Variants in ATP2A2 observed in about 807,000 individuals in gnomAD.
ATP2A2 encodes sarcoplasmic/endoplasmic reticulum calcium ATPase 2.
ATP2A2 carries 14 observed loss-of-function variants against 109.3 expected under a neutral mutation model. The ratio of observed to expected loss-of-function variants is 0.13; its 90% confidence interval spans 0.08 to 0.20. The LOEUF (loss-of-function observed/expected upper bound fraction) is 0.20. Ranked by LOEUF, ATP2A2 falls within the 10% of genes least tolerant of loss-of-function variation. The pLI, the probability that ATP2A2 is intolerant of heterozygous loss-of-function variation, is 1.00. For synonymous variants in ATP2A2, 506 were observed against 490.9 expected, an observed-to-expected ratio of 1.03 and a Z score of -0.41; for missense variants, 657 against 1,321.6, an observed-to-expected ratio of 0.50 and a Z score of 7.80.
intron 5 of ATP2A2, among the ~76,000 whole-genome samples, chr12:110,308,039 A>G (rs1407460929): frequency 6.6e-6 from 1 of 151,978 alleles, no homozygotes; most frequent in Admixed American, 6.6e-5. Flanking sequence ...TCATTTTCAG[A>G]TTGTTCTTTG....
chr12:110,345,688 A>G (rs1566242829), intron 18 of ATP2A2: 3 of 568,354 alleles, frequency 5.3e-6, no homozygotes, highest in South Asian at 4.0e-5. Flanking sequence ...CACACAGACA[A>G]ATGGTACCAT....
rs950424040 is a variant in ATP2A2, at chr12:110,347,568, A to G, written c.*1098A>G. The G allele has an allele frequency of 7.2e-6, 9 of 1,250,796 alleles. No homozygotes were observed. The Admixed American group carries it at 7.7e-5, about 11-fold the overall frequency. 77.5% of individuals were successfully genotyped at this position (1,250,796 alleles called of 1,614,324 possible). A position where few individuals can be genotyped will look rare whatever the true frequency, so the allele number is the denominator to read the frequency against. Reference sequence around the variant, plus strand: ...ATAGAGAACATAAGGGCAAGTGTGTATGTGTGTGTATGTGTGTGTTTTGTA... The same window carrying G: ...ATAGAGAACATAAGGGCAAGTGTGTGTGTGTGTGTATGTGTGTGTTTTGTA... On this transcript the variant is annotated 3_prime_UTR_variant, in exon 20 of 20. Coordinates refer to ENST00000539276, the MANE Select transcript of ATP2A2 (RefSeq NM_170665.4).
Position 110,310,759 on chromosome 12 carries a change from C to T in ATP2A2, c.464-12233C>T, listed in dbSNP as rs76804988. 3.1e-4 allele frequency among the ~76,000 whole-genome samples: 47 copies of T among 152,246 alleles called. No homozygotes were observed. The East Asian group carries it at 8.9e-3, about 29-fold the overall frequency. On this transcript the variant is annotated intron_variant, in intron 5 of 19. Transcript: ENST00000539276. Reference sequence around the variant, plus strand: ...AGGGTGCCAGCAATTTCAAGATTTACTCGGGAATAAAAAGAATAATTCTTA... The same window carrying T: ...AGGGTGCCAGCAATTTCAAGATTTATTCGGGAATAAAAAGAATAATTCTTA...
At position 110,281,588 on chromosome 12, in the gene ATP2A2, G is replaced by C. The variant is rs1032059841; in HGVS notation, c.-202G>C. On this transcript the variant is annotated 5_prime_UTR_variant, in exon 1 of 20. Coordinates refer to ENST00000539276, the MANE Select transcript of ATP2A2 (RefSeq NM_170665.4). ...CCCCCAACCCGCCCTGCGGAGCTCG[G>C]GGCCGCGCGAGGGGCGGTTGTCTGG... 1.1e-5 allele frequency: 4 copies of C among 354,008 alleles called. No individual in the cohort carries two copies. The highest frequency in any genetic ancestry group is 4.4e-5 in the African/African-American group (2 of 45,862). 21.9% of individuals were successfully genotyped at this position (354,008 alleles called of 1,614,324 possible).
rs1360898588 is a variant in ATP2A2, at chr12:110,346,085, C to A, written c.2826C>A (p.Leu942=). Residue 942 remains leucine (L), a synonymous_variant, in exon 19 of 20, where the codon CTC becomes CTA. Coordinates refer to ENST00000539276, the MANE Select transcript of ATP2A2 (RefSeq NM_170665.4). The part of the protein sequence containing the change: ...LVGSICLSMS[L]HFLILYVEPL... Reference sequence around the variant, plus strand: ...GCTCCATCTGCCTGTCCATGTCACTCCACTTCCTGATCCTCTATGTCGAAC... The same window carrying A: ...GCTCCATCTGCCTGTCCATGTCACTACACTTCCTGATCCTCTATGTCGAAC... The A allele has an allele frequency of 1.9e-6, 3 of 1,614,186 alleles. No homozygotes were observed. The highest frequency in any genetic ancestry group is 1.6e-4 in the Middle Eastern group (1 of 6,062).
rs1019617595 is a variant in ATP2A2 at position 110,350,112 on chromosome 12, C to T, written c.*3642C>T. The stretch of plus-strand genomic sequence containing the variant: ...ACTGAGCCAGTGCTTCTAGATGCTA[C>T]CCTGTGTGGGCGGCACCTCAGGGAC... On this transcript the variant is annotated 3_prime_UTR_variant, in exon 20 of 20. Transcript: ENST00000539276. The T allele has an allele frequency of 3.5e-5, 53 of 1,495,980 alleles. No individual in the cohort carries two copies. In the African/African-American group the frequency reaches 5.7e-4, roughly 16 times the overall value. The allele number at this position is 1,495,980 out of a possible 1,614,324, so 92.7% of individuals were successfully genotyped here. A position where few individuals can be genotyped will look rare whatever the true frequency, so the allele number is the denominator to read the frequency against.
chr12:110,302,285 TC>T (rs982136216), intron 5 of ATP2A2, among the ~76,000 whole-genome samples: 1 of 152,080 alleles, frequency 6.6e-6, no homozygotes, highest in African/African-American at 2.4e-5. Context: ...GTTCCCCTCT[TC>T]CCTGGCCCCT....
rs528681619 is a variant in ATP2A2, at chr12:110,302,942, T to C, written c.463+6205T>C. On this transcript the variant is annotated intron_variant, in intron 5 of 19. Transcript: ENST00000539276. ...CCAGCTGTGTGAGACATTGGGCTCT[T>C]AAGTGCTGCTTGCTTTCGTCTTAAA... Among the ~76,000 whole-genome samples, 179 of 152,314 alleles carry C rather than the reference T, an allele frequency of 1.2e-3. 1 individual carries two copies. Among genetic ancestry groups the C allele is most frequent in the African/African-American group, 4.1e-3 (172 of 41,576 alleles).
At chr12:110,303,136 A>G (rs1874862950) in intron 5 of ATP2A2, among the ~76,000 whole-genome samples, 4 of 152,228 alleles carry the variant, frequency 2.6e-5, no homozygotes. Context: ...ATGAAATTTG[A>G]AATCAGAAGT....
chr12:110,345,137 C>T (rs1879720598), intron 17 of ATP2A2, 112 bp from the exon 18 acceptor site: 1 of 1,564,184 alleles, frequency 6.4e-7, no homozygotes, highest in Non-Finnish European at 8.8e-7. Flanking sequence ...TGGGGTAAAC[C>T]TCTTGGCTGG....
At chr12:110,314,476 A>G (rs1876448201) in intron 5 of ATP2A2, among the ~76,000 whole-genome samples, 1 of 152,224 alleles carries the variant, frequency 6.6e-6, no homozygotes, top group Non-Finnish European at 1.5e-5. Flanking sequence ...ATAACAGACG[A>G]AGATGTTAAC....
In ATP2A2 at chr12:110,327,057, T is replaced by C. The variant is rs1308988566; in HGVS notation, c.631-496T>C. Among the ~76,000 whole-genome samples the C allele has an allele frequency of 6.6e-6, 1 of 152,200 alleles. No homozygotes were observed. Among genetic ancestry groups the C allele is most frequent in the East Asian group, 1.9e-4 (1 of 5,198 alleles). The stretch of plus-strand genomic sequence containing the variant: ...AGGTACCCTGAAAATAGTGAAGCCA[T>C]GTCCTTCTCTTATAACACTAGGAAT... On this transcript the variant is annotated intron_variant, in intron 7 of 19. Coordinates refer to ENST00000539276, the MANE Select transcript of ATP2A2 (RefSeq NM_170665.4). This position sits in a 1 kb window ranked among gnomAD's most constrained non-coding sequence, Gnocchi z 4.4.
In ATP2A2 at chr12:110,281,269, C is replaced by A. The variant is rs1385223163; in HGVS notation, c.-521C>A. 6.6e-6 allele frequency: 1 copy of A among 151,504 alleles called. No individual in the cohort carries two copies. The highest frequency in any genetic ancestry group is 2.4e-5 in the African/African-American group (1 of 41,356). 9.4% of individuals were successfully genotyped at this position (151,504 alleles called of 1,614,324 possible). A position where few individuals can be genotyped will look rare whatever the true frequency, so the allele number is the denominator to read the frequency against. Reference sequence around the variant, plus strand: ...GCTATTAGAGCAGCCGCCGCGGAGCCGTCCCCGACGCCACCTCCTTTTCCT... The same window carrying A: ...GCTATTAGAGCAGCCGCCGCGGAGCAGTCCCCGACGCCACCTCCTTTTCCT... On this transcript the variant is annotated 5_prime_UTR_variant, in exon 1 of 20. Transcript: ENST00000539276.
Position 110,344,964 on chromosome 12 carries a change from A to G in ATP2A2, c.2600A>G (p.Tyr867Cys), listed in dbSNP as rs1467741884. 7 of 1,613,806 alleles carry G rather than the reference A, an allele frequency of 4.3e-6. No homozygotes were observed. Among genetic ancestry groups the G allele is most frequent in the Non-Finnish European group, 5.9e-6 (7 of 1,179,926 alleles). ...AADGGPRVSF[Y>C]QLSHFLQCKE... ...GACGGTGGTCCAAGAGTGTCCTTCT[A>G]CCAGCTGGTACTCAGTCACCTTTCT... is the stretch of plus-strand genomic sequence containing the variant. Residue 867 changes from tyrosine to cysteine, a missense_variant, in exon 17 of 20, where the codon TAC becomes TGC. By Grantham distance (194) the Tyr-to-Cys change is radical (BLOSUM62 -2). Around this residue, in one of 9 missense-constraint regions of ATP2A2, gnomAD observed 125 missense variants for 243.5 expected, o/e 0.51. Transcript: ENST00000539276.
At position 110,340,737 on chromosome 12, in the gene ATP2A2, C is replaced by T. The variant is rs776165009; in HGVS notation, c.1840C>T (p.Arg614Trp). Residue 614 changes from arginine (R) to tryptophan (W), a missense_variant, in exon 14 of 20, where the codon CGG (arginine) becomes TGG (tryptophan). Physicochemically the swap from Arg to Trp is moderately radical, Grantham distance 101 (BLOSUM62 -3). This residue lies in a region of ATP2A2 where 180 missense variants were observed against 329.1 expected (regional missense o/e 0.55). Transcript: ENST00000539276. The surrounding 1 kb of genome is among the most constrained non-coding windows in gnomAD (Gnocchi z 6.0). Reference sequence around the variant, plus strand: ...GGTGGCCTCCTCCGTGAAGCTGTGCCGGCAAGCAGGCATCCGGGTCATCAT... The same window carrying T: ...GGTGGCCTCCTCCGTGAAGCTGTGCTGGCAAGCAGGCATCCGGGTCATCAT... ...IEVASSVKLCRQAGIRVIMIT... is the reference protein window; with the variant it reads ...IEVASSVKLCWQAGIRVIMIT... 12 of 1,614,054 alleles carry T rather than the reference C, an allele frequency of 7.4e-6. No individual in the cohort carries two copies. The highest frequency in any genetic ancestry group is 1.7e-5 in the Admixed American group (1 of 60,016).
At chr12:110,337,449 A>G (rs553857988) in intron 11 of ATP2A2, among the ~76,000 whole-genome samples, 2 of 152,314 alleles carry the variant, frequency 1.3e-5, no homozygotes, top group East Asian at 3.9e-4. Context: ...ATTGGCGCAA[A>G]TGCTTAATTG....
chr12:110,339,817 T>C lies in ATP2A2; in HGVS notation c.1761+96T>C. The stretch of plus-strand genomic sequence containing the variant: ...CAAAAGGTCAAACAGTTCTCACTTT[T>C]GCCAAGAAAGAGGTGTGGTTATTTG... On this transcript the variant is annotated intron_variant, in intron 13 of 19. Coordinates refer to ENST00000539276, the MANE Select transcript of ATP2A2 (RefSeq NM_170665.4). This position sits in a 1 kb window ranked among gnomAD's most constrained non-coding sequence, Gnocchi z 4.4. 7.3e-7 allele frequency: 1 copy of C among 1,377,616 alleles called. No homozygotes were observed. The highest frequency in any genetic ancestry group is 1.2e-5 in the South Asian group (1 of 81,022). 85.3% of individuals were successfully genotyped at this position (1,377,616 alleles called of 1,614,324 possible).
chr12:110,341,816 C>T (rs1409844850), intron 14 of ATP2A2, among the ~76,000 whole-genome samples: 1 of 152,124 alleles, frequency 6.6e-6, no homozygotes, highest in Non-Finnish European at 1.5e-5. Context: ...TGCAGTGAGC[C>T]GAGACTGCGC....
At position 110,347,942 on chromosome 12, in the gene ATP2A2, C is replaced by A; in HGVS notation, c.*1472C>A. 1.0e-6 allele frequency: 1 copy of A among 986,924 alleles called. No individual in the cohort carries two copies. The highest frequency in any genetic ancestry group is 1.2e-6 in the Non-Finnish European group (1 of 830,960). The allele number at this position is 986,924 out of a possible 1,614,324, so 61.1% of individuals were successfully genotyped here. A position where few individuals can be genotyped will look rare whatever the true frequency, so the allele number is the denominator to read the frequency against. On this transcript the variant is annotated 3_prime_UTR_variant, in exon 20 of 20. Transcript: ENST00000539276. ...CTGTGAGCACCGGGGTTGCCTGTGG[C>A]GCCTGCCATGTGACTCGGGCGCAGC...
Sources: allele counts gnomAD v4.1 joint callset (sites outside exome capture counted in the v4.1 genomes callset), GRCh38; gene constraint gnomAD v4.1.1; regional missense constraint gnomAD v4.1.1; non-coding constraint Gnocchi (gnomAD v3.1); transcripts MANE v1.5; gene names NCBI Gene and HGNC (gene_info 2026-07-23, HGNC 2026-07-21).